GLI3: variants seen among roughly 807,000 people sequenced by gnomAD.
GLI3 encodes the protein transcription activator GLI3.
In GLI3, 20 loss-of-function variants were observed where a neutral mutation model predicts 100.8. The ratio of observed to expected loss-of-function variants is 0.20; its 90% CI spans 0.14 to 0.29. The LOEUF (loss-of-function observed/expected upper bound fraction) is 0.29, where lower values mean the gene tolerates loss of function less well. GLI3 is among the 10% of genes least tolerant of loss of function. The pLI is 1.00. For missense variants in GLI3, 2,040 were observed against 2,128.5 expected, an observed-to-expected ratio of 0.96 and a Z score of 0.82; for synonymous variants, 938 against 860.5, an observed-to-expected ratio of 1.09 and a Z score of -1.58.
chr7:42,150,239 A>G (rs1203053362), intron 2 of GLI3: 1 of 152,224 alleles, frequency 6.6e-6, no homozygotes, highest in Non-Finnish European at 1.5e-5. Flanking sequence ...GTTCACATTG[A>G]TCTCTATGAA....
rs752438628 is a variant in GLI3 at position 41,988,933 on chromosome 7, TG to T, written c.1498-10186del. ...AAAGAGCTTCTCAGAGTTTCTTTCC[TG>T]GAGTGGCCTGTATTTAAGTCCTATT... is the stretch of plus-strand genomic sequence containing the variant. On this transcript the variant is annotated intron_variant, in intron 10 of 14. Coordinates refer to ENST00000395925, the MANE Select transcript of GLI3 (RefSeq NM_000168.6). 2.0e-5 allele frequency among the ~76,000 whole-genome samples: 3 copies of T among 152,336 alleles called. No individual in the cohort carries two copies. In the East Asian group the frequency reaches 5.8e-4, roughly 29 times the overall value.
chr7:42,050,693 G>T (rs950747895), intron 4 of GLI3, among the ~76,000 whole-genome samples: 2 of 152,192 alleles, frequency 1.3e-5, no homozygotes, highest in Non-Finnish European at 2.9e-5. Flanking sequence ...CGCCTCCTGG[G>T]CCAGCTTTTG....
chr7:42,257,208 G>A (rs1482442961), intron 1 of GLI3, among the ~76,000 whole-genome samples: 1 of 151,950 alleles, frequency 6.6e-6, no homozygotes, highest in Admixed American at 6.6e-5. Context: ...GCAACTAAGA[G>A]AGTTTTACTT....
intron 7 of GLI3, among the ~76,000 whole-genome samples, chr7:42,029,755 G>A (rs1049740168): frequency 2.0e-5 from 3 of 152,192 alleles, no homozygotes; most frequent in Middle Eastern, 6.8e-3. Flanking sequence ...CCTCAGAGGG[G>A]CCTTCTTAGA....
At chr7:42,187,229 TGAA>T in intron 2 of GLI3, among the ~76,000 whole-genome samples, 1 of 146,404 alleles carries the variant, frequency 6.8e-6, no homozygotes, top group Middle Eastern at 3.6e-3. Context: ...AAAAAAAACA[TGAA>T]GAAGAGTATT....
intron 3 of GLI3, among the ~76,000 whole-genome samples, chr7:42,096,099 C>T (rs981270340): frequency 1.3e-5 from 2 of 152,060 alleles, no homozygotes; most frequent in Non-Finnish European, 2.9e-5. Context: ...GGTGGAGAAG[C>T]CAGGGTGAAC....
chr7:42,233,490 A>G (rs1485332447), intron 1 of GLI3, among the ~76,000 whole-genome samples: 1 of 152,226 alleles, frequency 6.6e-6, no homozygotes, highest in Non-Finnish European at 1.5e-5. Context: ...ACAAATGCAT[A>G]GAGACGTTTG....
intron 4 of GLI3, among the ~76,000 whole-genome samples, chr7:42,061,389 G>T (rs1286577979): frequency 1.3e-5 from 2 of 152,076 alleles, no homozygotes; most frequent in Non-Finnish European, 2.9e-5. Context: ...CTACTAACTA[G>T]TCTGTTTTTT....
At position 42,015,731 on chromosome 7, in the gene GLI3, A is replaced by ACACACG. The variant is rs549000852; in HGVS notation, c.1497+7731_1497+7736dup. Among the ~76,000 whole-genome samples the ACACACG allele has an allele frequency of 4.7e-3, 713 of 152,142 alleles. 3 individuals are homozygous for ACACACG. Among genetic ancestry groups the ACACACG allele is most frequent in the Non-Finnish European group, 7.7e-3 (524 of 67,992 alleles). Reference sequence around the variant, plus strand: ...TTTTTAAATTAAGCTCTGCCAGTTTACACACGCACACACACACACCCACCC... The same window carrying ACACACG: ...TTTTTAAATTAAGCTCTGCCAGTTTACACACGCACACGCACACACACACACCCACCC... On this transcript the variant is annotated intron_variant, in intron 10 of 14. Transcript: ENST00000395925.
intron 6 of GLI3, 50 bp from the exon 7 acceptor site, chr7:42,040,289 C>T (rs377106636): frequency 1.3e-5 from 18 of 1,338,970 alleles, no homozygotes; most frequent in Non-Finnish European, 1.9e-5. Flanking sequence ...GGACTCTATA[C>T]CAGCTATTTA....
At chr7:42,236,059 A>G (rs778182528) in intron 1 of GLI3, among the ~76,000 whole-genome samples, 1 of 151,828 alleles carries the variant, frequency 6.6e-6, no homozygotes, top group Non-Finnish European at 1.5e-5. Context: ...GGCATCTTAC[A>G]GAAGGAGGTG....
upstream of GLI3, among the ~76,000 whole-genome samples, chr7:42,242,536 G>A (rs563038152): frequency 7.2e-5 from 11 of 152,212 alleles, no homozygotes; most frequent in South Asian, 2.1e-4. Flanking sequence ...TCATGCCCCC[G>A]TAGGGATATT....
intron 13 of GLI3, 36 bp from the exon 14 acceptor site, chr7:41,967,959 C>G (rs2128707357): frequency 6.5e-7 from 1 of 1,544,670 alleles, no homozygotes; most frequent in Non-Finnish European, 9.0e-7. Flanking sequence ...GAAATGTCAC[C>G]AGGGAGGGTC....
chr7:42,071,456 A>T (rs1784782880), intron 4 of GLI3, among the ~76,000 whole-genome samples: 1 of 152,154 alleles, frequency 6.6e-6, no homozygotes, highest in Admixed American at 6.6e-5. Flanking sequence ...TTTACCGGAA[A>T]CTTCCCTAAG....
intron 10 of GLI3, among the ~76,000 whole-genome samples, chr7:42,014,688 C>T (rs1250368140): frequency 6.6e-6 from 1 of 152,142 alleles, no homozygotes; most frequent in Non-Finnish European, 1.5e-5. Context: ...GCTTGTACAT[C>T]GATAGTACTC....
chr7:41,997,200 C>T (rs1169307259), intron 10 of GLI3, among the ~76,000 whole-genome samples: 2 of 152,114 alleles, frequency 1.3e-5, no homozygotes, highest in African/African-American at 2.4e-5. Flanking sequence ...TACCATCTCC[C>T]AGGAAGGAAA....
chr7:42,249,914 A>G (rs981985471), intron 1 of GLI3, among the ~76,000 whole-genome samples: 1 of 152,014 alleles, frequency 6.6e-6, no homozygotes, highest in African/African-American at 2.4e-5. Context: ...GGGCAACATG[A>G]TGAAACCCCA....
intron 2 of GLI3, among the ~76,000 whole-genome samples, chr7:42,187,731 A>C (rs1219703726): frequency 6.6e-6 from 1 of 152,126 alleles, no homozygotes; most frequent in Admixed American, 6.6e-5. Flanking sequence ...AGAGCCGGGC[A>C]CAGTGGCTCA....
At chr7:42,113,221 G>A (rs1220927815) in intron 3 of GLI3, 7 of 433,368 alleles carry the variant, frequency 1.6e-5, no homozygotes, top group Admixed American at 3.1e-5. Context: ...CTCGTATGAT[G>A]TCTGCATCTC....
Sources: gnomAD v4.1 joint callset for allele counts (sites outside exome capture counted in the v4.1 genomes callset) on GRCh38, gnomAD v4.1.1 for gene constraint, MANE v1.5 for transcripts, NCBI Gene and HGNC (gene_info 2026-07-23, HGNC 2026-07-21) for gene names.